NUP37: variants seen among roughly 807,000 people sequenced by gnomAD.
NUP37 encodes nucleoporin 37.
In NUP37, 33 loss-of-function variants were observed where a neutral mutation model predicts 45.4. That is an observed-to-expected ratio of 0.73 (90% CI 0.55 to 0.97). NUP37 has a LOEUF of 0.97. Among genes scored for constraint, NUP37 ranks in the 50% least tolerant of loss-of-function variants. The pLI is 0.00. For missense variants in NUP37, 365 were observed against 389.7 expected, an observed-to-expected ratio of 0.94 and a Z score of 0.53; for synonymous variants, 127 against 130.7, an observed-to-expected ratio of 0.97 and a Z score of 0.19.
chr12:102,093,536 T>C (rs528292130), intron 5 of NUP37, among the ~76,000 whole-genome samples: 1 of 152,084 alleles, frequency 6.6e-6, no homozygotes, highest in Non-Finnish European at 1.5e-5. Flanking sequence ...AAACAGACCA[T>C]GTGTAATGAT....
At chr12:102,075,780 A>T (rs540797754) in intron 8 of NUP37, among the ~76,000 whole-genome samples, 1 of 152,302 alleles carries the variant, frequency 6.6e-6, no homozygotes, top group Non-Finnish European at 1.5e-5. Flanking sequence ...AACTTTGTTC[A>T]GGGCACAGTG....
chr12:102,089,020 T>C (rs1432648567), intron 5 of NUP37, among the ~76,000 whole-genome samples: 2 of 152,086 alleles, frequency 1.3e-5, no homozygotes, highest in African/African-American at 4.8e-5. Context: ...GAGCACGGGG[T>C]TGGGGGTAAG....
intron 8 of NUP37, among the ~76,000 whole-genome samples, chr12:102,076,093 C>T (rs1383272201): frequency 2.0e-5 from 3 of 152,110 alleles, no homozygotes; most frequent in Admixed American, 6.6e-5. Flanking sequence ...AGTACCATAG[C>T]TCATTGATTT....
chr12:102,118,333 C>T (rs752206953), intron 2 of NUP37, 30 bp downstream of exon 2: 4 of 1,590,794 alleles, frequency 2.5e-6, no homozygotes, highest in Middle Eastern at 1.7e-4. Flanking sequence ...AATATGTTCA[C>T]TGTCATTCGG....
chr12:102,079,048 A>G, intron 6 of NUP37: 1 of 363,054 alleles, frequency 2.8e-6, no homozygotes, highest in Non-Finnish European at 5.4e-6. Context: ...ACATCTCTGT[A>G]AAGTCCTTAC....
intron 5 of NUP37, among the ~76,000 whole-genome samples, chr12:102,094,044 A>C (rs549752109): frequency 6.6e-6 from 1 of 152,102 alleles, no homozygotes; most frequent in Admixed American, 6.5e-5. Context: ...TTAACACCCT[A>C]TTTCACTGCA....
chr12:102,114,586 A>C (rs1724614702), intron 2 of NUP37, among the ~76,000 whole-genome samples: 1 of 152,176 alleles, frequency 6.6e-6, no homozygotes, highest in Admixed American at 6.5e-5. Flanking sequence ...GGCATATTTG[A>C]GGTTGGGGCA....
intron 3 of NUP37, among the ~76,000 whole-genome samples, chr12:102,107,871 C>G (rs1267158981): frequency 1.3e-5 from 2 of 152,056 alleles, no homozygotes; most frequent in Admixed American, 1.3e-4. Context: ...AGATGATTAT[C>G]CTAATAAACA....
At chr12:102,106,959 G>A (rs191569797) in intron 3 of NUP37, among the ~76,000 whole-genome samples, 19 of 152,250 alleles carry the variant, frequency 1.2e-4, no homozygotes, top group African/African-American at 4.6e-4. Flanking sequence ...TCTGCACAAT[G>A]AGGCACCAGA....
chr12:102,114,520 G>A (rs955058824), intron 2 of NUP37, among the ~76,000 whole-genome samples: 2 of 152,112 alleles, frequency 1.3e-5, no homozygotes, highest in Non-Finnish European at 2.9e-5. Context: ...TGTATAGGCA[G>A]GAAATTAAGA....
intron 3 of NUP37, among the ~76,000 whole-genome samples, chr12:102,108,627 G>T (rs1011585216): frequency 6.6e-6 from 1 of 152,104 alleles, no homozygotes. Context: ...GTTTAAACAC[G>T]TATGTTATAT....
chr12:102,074,903 A>G (rs774597592), intron 9 of NUP37, 98 bp downstream of exon 9: 263 of 612,002 alleles, frequency 4.3e-4, no homozygotes, highest in Non-Finnish European at 6.8e-4. Flanking sequence ...AAATGTCTTC[A>G]GTCAACAAAT....
At chr12:102,090,410 C>A (rs1266056253) in intron 5 of NUP37, among the ~76,000 whole-genome samples, 6 of 152,166 alleles carry the variant, frequency 3.9e-5, no homozygotes, top group Non-Finnish European at 7.3e-5. Context: ...AATATGCCCA[C>A]ATGTGCATTT....
At chr12:102,113,115 A>G (rs1379365811) in intron 2 of NUP37, among the ~76,000 whole-genome samples, 3 of 152,228 alleles carry the variant, frequency 2.0e-5, no homozygotes, top group Non-Finnish European at 4.4e-5. Flanking sequence ...CCATTACAAC[A>G]TTGCAAAAAT....
At chr12:102,111,991 A>G (rs1880330215) in intron 3 of NUP37, 117 bp downstream of exon 3, 2 of 913,820 alleles carry the variant, frequency 2.2e-6, no homozygotes, top group Non-Finnish European at 3.3e-6. Context: ...AAAATATCTA[A>G]TATCTTGGAT....
chr12:102,100,863 A>G (rs572308674), intron 4 of NUP37, among the ~76,000 whole-genome samples, 169 bp downstream of exon 4: 1 of 152,330 alleles, frequency 6.6e-6, no homozygotes, highest in African/African-American at 2.4e-5. Context: ...TCTTAATAAT[A>G]TAGTAAGCTA....
intron 3 of NUP37, among the ~76,000 whole-genome samples, chr12:102,106,338 TC>T (rs1880154644): frequency 6.6e-6 from 1 of 152,252 alleles, no homozygotes; most frequent in Non-Finnish European, 1.5e-5. Flanking sequence ...TATGACTGTT[TC>T]ATTAAATTGC....
rs1320997568 is a variant in NUP37, at chr12:102,112,030, A to G, written c.281+78T>C. On this transcript the variant is annotated intron_variant, in intron 3 of 9. Coordinates refer to ENST00000552283, the MANE Select transcript of NUP37 (RefSeq NM_024057.4). ...GGAAAATGGAAATTGAGAAAAAAGT[A>G]TCTATGATCAGACTTCCAATCATGT... 5 of 1,337,086 alleles carry G rather than the reference A, an allele frequency of 3.7e-6. No homozygotes were observed. In the Admixed American group the frequency reaches 6.1e-5, roughly 16 times the overall value. 82.8% of individuals were successfully genotyped at this position (1,337,086 alleles called of 1,614,324 possible).
intron 2 of NUP37, among the ~76,000 whole-genome samples, chr12:102,113,753 G>A (rs779273857): frequency 2.0e-5 from 3 of 152,110 alleles, no homozygotes; most frequent in East Asian, 3.8e-4. Context: ...AATGAAATAC[G>A]TATGTCTATA....
Sources: gnomAD v4.1 joint callset for allele counts (sites outside exome capture counted in the v4.1 genomes callset) on GRCh38, gnomAD v4.1.1 for gene constraint, MANE v1.5 for transcripts, NCBI Gene and HGNC (gene_info 2026-07-23, HGNC 2026-07-21) for gene names.